Variants in DLC1 observed in about 807,000 individuals in gnomAD.
The protein encoded by DLC1 is DLC1 Rho GTPase activating protein.
In DLC1, 54 loss-of-function variants were observed where a neutral mutation model predicts 140.3. The ratio of observed to expected loss-of-function variants is 0.38; its 90% confidence interval spans 0.31 to 0.48. DLC1 has a LOEUF of 0.48. Ranked by LOEUF, DLC1 falls within the 20% of genes least tolerant of loss-of-function variation. DLC1 has a pLI of 0.96. For missense variants in DLC1, 2,536 were observed against 1,907.0 expected, an observed-to-expected ratio of 1.33 and a Z score of -6.14; for synonymous variants, 986 against 728.1, an observed-to-expected ratio of 1.35 and a Z score of -5.70.
intron 1 of DLC1, among the ~76,000 whole-genome samples, chr8:13,598,481 C>A (rs117972803): frequency 0.018 from 2,762 of 152,116 alleles, 29 homozygotes; most frequent in Non-Finnish European, 0.029. Context: ...ATAGGAGTGA[C>A]TGATAAATGA....
At chr8:13,122,386 C>T (rs749750322) in intron 5 of DLC1, among the ~76,000 whole-genome samples, 6 of 152,146 alleles carry the variant, frequency 3.9e-5, no homozygotes, top group South Asian at 4.1e-4. Context: ...AAATGAATTA[C>T]CCCTTCTTCA....
chr8:13,559,525 A>T (rs1804170413), intron 1 of DLC1: 1 of 152,218 alleles, frequency 6.6e-6, no homozygotes, highest in Admixed American at 6.5e-5. Flanking sequence ...ATTCATCTCA[A>T]ATAAAATAAT....
chr8:13,429,934 T>A (rs937005292), intron 2 of DLC1, among the ~76,000 whole-genome samples: 3 of 152,226 alleles, frequency 2.0e-5, no homozygotes, highest in African/African-American at 7.2e-5. Flanking sequence ...CATATCATAT[T>A]TAAATGCTAT....
At chr8:13,181,698 G>A (rs1826047919) in intron 5 of DLC1, among the ~76,000 whole-genome samples, 1 of 145,550 alleles carries the variant, frequency 6.9e-6, no homozygotes, top group Non-Finnish European at 1.5e-5. Context: ...AGTATTCCAT[G>A]GTATATATGT....
chr8:13,460,381 T>A (rs1021383241), intron 2 of DLC1, among the ~76,000 whole-genome samples: 1 of 152,238 alleles, frequency 6.6e-6, no homozygotes, highest in African/African-American at 2.4e-5. Flanking sequence ...TCTGTACAGA[T>A]TCACCGTAAG....
intron 5 of DLC1, among the ~76,000 whole-genome samples, chr8:13,190,348 G>A (rs577623023): frequency 6.6e-6 from 1 of 152,208 alleles, no homozygotes; most frequent in Non-Finnish European, 1.5e-5. Flanking sequence ...GCCAGGGATT[G>A]TGGTCCCTGT....
chr8:13,192,254 C>G (rs946492207), intron 5 of DLC1, among the ~76,000 whole-genome samples: 1 of 150,274 alleles, frequency 6.7e-6, no homozygotes, highest in Non-Finnish European at 1.5e-5. Context: ...CCCAGCCAGC[C>G]TGATTATTCT....
intron 5 of DLC1, among the ~76,000 whole-genome samples, chr8:13,230,184 C>G (rs557366126): frequency 6.6e-6 from 1 of 152,254 alleles, no homozygotes; most frequent in African/African-American, 2.4e-5. Context: ...CTAATACTAG[C>G]CAATAAACCA....
intron 4 of DLC1, among the ~76,000 whole-genome samples, chr8:13,316,380 G>A (rs553666466): frequency 5.3e-5 from 8 of 152,270 alleles, no homozygotes; most frequent in African/African-American, 1.7e-4. Context: ...ATTGTATAAA[G>A]CTACAATTAT....
intron 5 of DLC1, among the ~76,000 whole-genome samples, chr8:13,155,905 T>C (rs1281671707): frequency 6.6e-6 from 1 of 152,180 alleles, no homozygotes; most frequent in Non-Finnish European, 1.5e-5. Context: ...GAGTGAAATA[T>C]TTTTAAATAA....
intron 5 of DLC1, among the ~76,000 whole-genome samples, chr8:13,176,580 A>C (rs1415663140): frequency 6.6e-6 from 1 of 152,172 alleles, no homozygotes; most frequent in Non-Finnish European, 1.5e-5. Context: ...CTCCATCTCA[A>C]ACAAACAAAC....
chr8:13,270,303 C>T (rs982079789), intron 5 of DLC1, among the ~76,000 whole-genome samples: 1 of 152,154 alleles, frequency 6.6e-6, no homozygotes, highest in Non-Finnish European at 1.5e-5. Context: ...GCAGACTGTG[C>T]ATGCACACTA....
At chr8:13,268,337 G>A (rs1407446909) in intron 5 of DLC1, among the ~76,000 whole-genome samples, 5 of 152,148 alleles carry the variant, frequency 3.3e-5, no homozygotes, top group African/African-American at 1.2e-4. Context: ...TTGTTTTAGA[G>A]AGAGGCTCAT....
intron 5 of DLC1, among the ~76,000 whole-genome samples, chr8:13,257,822 G>T (rs978822726): frequency 3.9e-5 from 6 of 152,106 alleles, no homozygotes; most frequent in Non-Finnish European, 7.4e-5. Flanking sequence ...GGAGTGCATG[G>T]GAACTTCATA....
At chr8:13,122,175 T>G (rs1821142270) in intron 5 of DLC1, among the ~76,000 whole-genome samples, 3 of 152,182 alleles carry the variant, frequency 2.0e-5, no homozygotes, top group African/African-American at 7.2e-5. Context: ...CTCCCCTGCT[T>G]AGAATTCTTT....
At chr8:13,175,937 T>C (rs1413825508) in intron 5 of DLC1, among the ~76,000 whole-genome samples, 1 of 152,168 alleles carries the variant, frequency 6.6e-6, no homozygotes, top group Non-Finnish European at 1.5e-5. Flanking sequence ...AATTTTTTCA[T>C]TTACAGAATG....
At chr8:13,536,737 C>T (rs919089352) in intron 1 of DLC1, among the ~76,000 whole-genome samples, 1 of 152,078 alleles carries the variant, frequency 6.6e-6, no homozygotes, top group Non-Finnish European at 1.5e-5. Flanking sequence ...GAACCATTAG[C>T]CAATGGTGTT....
intron 2 of DLC1, among the ~76,000 whole-genome samples, chr8:13,487,840 G>T (rs552648976): frequency 6.6e-6 from 1 of 152,066 alleles, no homozygotes; most frequent in Non-Finnish European, 1.5e-5. Context: ...CAAAGTGCTG[G>T]GATTACAGGC....
At chr8:13,216,591 G>A (rs113575097) in intron 5 of DLC1, among the ~76,000 whole-genome samples, 27 of 152,122 alleles carry the variant, frequency 1.8e-4, no homozygotes, top group African/African-American at 4.8e-4. Context: ...CCTTTCCTTC[G>A]TGTCATTTCC....
Sources: gnomAD v4.1 joint callset for allele counts (sites outside exome capture counted in the v4.1 genomes callset) on GRCh38, gnomAD v4.1.1 for gene constraint, MANE v1.5 for transcripts, NCBI Gene and HGNC (gene_info 2026-07-23, HGNC 2026-07-21) for gene names.